Variants in STAG1 observed in about 807,000 individuals in gnomAD.
STAG1 encodes cohesin subunit SA-1.
STAG1 carries 26 observed loss-of-function variants against 170.9 expected under a neutral mutation model. That is an observed-to-expected ratio of 0.15 (90% confidence interval 0.11 to 0.21). The LOEUF (loss-of-function observed/expected upper bound fraction) is 0.21, where lower values mean the gene tolerates loss of function less well. STAG1 is among the 10% of genes least tolerant of loss of function. STAG1 has a pLI of 1.00. For synonymous variants in STAG1, 514 were observed against 497.7 expected (o/e 1.03, Z -0.44); for missense variants, 964 against 1,509.5 (o/e 0.64, Z 5.99).
intron 13 of STAG1, among the ~76,000 whole-genome samples, chr3:136,463,727 A>ATGTGTGTGTG (rs1310748716): frequency 1.5e-4 from 13 of 88,532 alleles, no homozygotes; most frequent in African/African-American, 6.4e-4. Flanking sequence ...AAAAAAAAAA[A>ATGTGTGTGTG]TGTGTATATG....
At chr3:136,543,895 A>AT (rs200749138) in intron 5 of STAG1, among the ~76,000 whole-genome samples, 29 of 151,212 alleles carry the variant, frequency 1.9e-4, no homozygotes, top group Admixed American at 1.3e-4. Context: ...TTGGGCATTC[A>AT]TTTTTTTTTC....
At position 136,556,750 on chromosome 3, in the gene STAG1, T is replaced by C. The variant is rs80161310; in HGVS notation, c.394+12015A>G. Among the ~76,000 whole-genome samples, 17 of 151,900 alleles carry C rather than the reference T, an allele frequency of 1.1e-4. No individual in the cohort carries two copies. In the East Asian group the frequency reaches 2.1e-3, roughly 19 times the overall value. On this transcript the variant is annotated intron_variant, in intron 5 of 33. Coordinates refer to ENST00000383202, the MANE Select transcript of STAG1 (RefSeq NM_005862.3). ...GGCACACACCACCACGCCCCACTAA[T>C]TCCTGCATTTTTTGTAGAGGCAGGG...
intron 4 of STAG1, chr3:136,587,058 T>C: frequency 2.9e-6 from 1 of 343,348 alleles, no homozygotes; most frequent in Non-Finnish European, 5.7e-6. Flanking sequence ...GATAAGCTAC[T>C]GATTTAAAGT....
At chr3:136,611,671 T>A (rs957608753) in intron 3 of STAG1, among the ~76,000 whole-genome samples, 2 of 141,468 alleles carry the variant, frequency 1.4e-5, no homozygotes, top group Admixed American at 7.1e-5. Context: ...TTTTTTTTTT[T>A]TTTTTTTTTT....
At chr3:136,711,421 C>T (rs1463075865) in intron 1 of STAG1, among the ~76,000 whole-genome samples, 2 of 152,088 alleles carry the variant, frequency 1.3e-5, no homozygotes, top group Non-Finnish European at 2.9e-5. Flanking sequence ...ATTAGCCAGG[C>T]ATGGTGGCTC....
At chr3:136,399,926 C>T (rs2087270400) in intron 21 of STAG1, among the ~76,000 whole-genome samples, 1 of 151,872 alleles carries the variant, frequency 6.6e-6, no homozygotes, top group Admixed American at 6.6e-5. Flanking sequence ...AAGAAACAAA[C>T]TTTCTTTTTT....
At chr3:136,627,807 AT>A (rs1940172675) in intron 2 of STAG1, among the ~76,000 whole-genome samples, 1 of 152,142 alleles carries the variant, frequency 6.6e-6, no homozygotes, top group Admixed American at 6.5e-5. Flanking sequence ...TTAAAAAATG[AT>A]TTTGCTCCCT....
At chr3:136,457,942 AAAAC>A (rs965411768) in intron 13 of STAG1, among the ~76,000 whole-genome samples, 7 of 152,266 alleles carry the variant, frequency 4.6e-5, no homozygotes, top group South Asian at 2.1e-4. Context: ...ACAAAAACAA[AAAAC>A]AAACAAACAA....
At chr3:136,704,391 G>A (rs1943167889) in intron 1 of STAG1, among the ~76,000 whole-genome samples, 2 of 152,116 alleles carry the variant, frequency 1.3e-5, no homozygotes, top group South Asian at 4.1e-4. Flanking sequence ...AGTTAAAAGA[G>A]ATTCACTTTA....
At chr3:136,476,841 C>A (rs1443556176) in intron 10 of STAG1, among the ~76,000 whole-genome samples, 1 of 152,058 alleles carries the variant, frequency 6.6e-6, no homozygotes, top group Non-Finnish European at 1.5e-5. Context: ...CTTTTAAAGT[C>A]AGAAGGCAGA....
chr3:136,343,798 C>CT, intron 30 of STAG1, 34 bp downstream of exon 30: 1 of 1,484,302 alleles, frequency 6.7e-7, no homozygotes, highest in Non-Finnish European at 9.0e-7. Context: ...TCTTTAAAGG[C>CT]TTTTTGTGAA....
chr3:136,567,971 C>G (rs779381776), intron 5 of STAG1, among the ~76,000 whole-genome samples: 2 of 151,892 alleles, frequency 1.3e-5, no homozygotes, highest in Non-Finnish European at 2.9e-5. Context: ...CTTTTTACGG[C>G]AGAGACTGCC....
intron 1 of STAG1, among the ~76,000 whole-genome samples, chr3:136,667,309 T>G (rs1941818205): frequency 6.6e-6 from 1 of 152,046 alleles, no homozygotes; most frequent in Non-Finnish European, 1.5e-5. Flanking sequence ...GCATTCTGGG[T>G]GGCAGAGGCA....
chr3:136,417,810 G>T, intron 21 of STAG1, 75 bp downstream of exon 21: 1 of 1,066,636 alleles, frequency 9.4e-7, no homozygotes. Flanking sequence ...TTCTATAAAA[G>T]GCTTCTGATA....
chr3:136,558,807 T>C (rs1410611165), intron 5 of STAG1, among the ~76,000 whole-genome samples: 1 of 152,202 alleles, frequency 6.6e-6, no homozygotes, highest in Non-Finnish European at 1.5e-5. Flanking sequence ...CAAATTAATA[T>C]GTGCAAAAGA....
chr3:136,536,622 A>T (rs1037220315), intron 6 of STAG1, among the ~76,000 whole-genome samples: 1 of 150,434 alleles, frequency 6.6e-6, no homozygotes, highest in African/African-American at 2.5e-5. Flanking sequence ...AATCGCTTCA[A>T]CTCGGGAGGC....
At position 136,403,603 on chromosome 3, in the gene STAG1, G is replaced by C. The variant is rs139532755; in HGVS notation, c.2197-4774C>G. Among the ~76,000 whole-genome samples the C allele has an allele frequency of 3.1e-4, 47 of 152,210 alleles. 1 individual carries two copies. Among genetic ancestry groups the C allele is most frequent in the Non-Finnish European group, 3.2e-4 (22 of 68,006 alleles). ...AACCCTATCTGTTAAATTACTAGAAGAGTGATATATAAATTAATAGTAATC... is the reference window on the plus strand; with the variant it reads ...AACCCTATCTGTTAAATTACTAGAACAGTGATATATAAATTAATAGTAATC... On this transcript the variant is annotated intron_variant, in intron 21 of 33. Coordinates refer to ENST00000383202, the MANE Select transcript of STAG1 (RefSeq NM_005862.3).
At chr3:136,751,908 T>G (rs1156663950) in intron 1 of STAG1, among the ~76,000 whole-genome samples, 2 of 150,622 alleles carry the variant, frequency 1.3e-5, no homozygotes, top group Non-Finnish European at 3.0e-5. Flanking sequence ...GCAAAATTTT[T>G]GGTGCCCGCG....
At chr3:136,551,744 C>G (rs1936415994) in intron 5 of STAG1, among the ~76,000 whole-genome samples, 1 of 151,790 alleles carries the variant, frequency 6.6e-6, no homozygotes, top group Non-Finnish European at 1.5e-5. Context: ...CCTGGGACTA[C>G]AGGCACACAC....
Sources: gnomAD v4.1 joint callset for allele counts (sites outside exome capture counted in the v4.1 genomes callset) on GRCh38, gnomAD v4.1.1 for gene constraint, MANE v1.5 for transcripts, NCBI Gene and HGNC (gene_info 2026-07-23, HGNC 2026-07-21) for gene names.